The following MAPKAPK2 variants were observed in gnomAD, a reference collection of about 807,000 sequenced individuals.
The protein encoded by MAPKAPK2 is MAP kinase-activated protein kinase 2.
MAPKAPK2 carries 9 observed loss-of-function variants against 48.8 expected under a neutral mutation model. The ratio of observed to expected loss-of-function variants is 0.18; its 90% CI spans 0.11 to 0.32. The LOEUF (loss-of-function observed/expected upper bound fraction) is 0.32, where lower values mean the gene tolerates loss of function less well. MAPKAPK2 is among the 10% of genes least tolerant of loss of function. The pLI is 1.00. For missense variants in MAPKAPK2, 331 were observed against 498.3 expected (o/e 0.66, Z 3.20); for synonymous variants, 202 against 190.6 (o/e 1.06, Z -0.49).
At chr1:206,724,220 C>T (rs569841875) in intron 1 of MAPKAPK2, among the ~76,000 whole-genome samples, 8 of 152,324 alleles carry the variant, frequency 5.3e-5, no homozygotes, top group African/African-American at 9.6e-5. Context: ...GTGGACCTGC[C>T]GCCTCGCTCT....
intron 1 of MAPKAPK2, among the ~76,000 whole-genome samples, chr1:206,718,252 C>T (rs1217952067): frequency 2.0e-5 from 3 of 152,134 alleles, no homozygotes; most frequent in Admixed American, 1.3e-4. Context: ...AGGATGTTGC[C>T]CGGGCGCTGT....
In MAPKAPK2 at chr1:206,732,104, G is replaced by C. The variant is rs1673934984; in HGVS notation, c.1059+185G>C. 1 of 1,614,220 alleles carries C rather than the reference G, an allele frequency of 6.2e-7. No individual in the cohort carries two copies. Among genetic ancestry groups the C allele is most frequent in the Non-Finnish European group, 8.5e-7 (1 of 1,180,038 alleles). On this transcript the variant is annotated intron_variant, in intron 9 of 9. Coordinates refer to ENST00000367103, the MANE Select transcript of MAPKAPK2 (RefSeq NM_032960.4). This position sits in a 1 kb window ranked among gnomAD's most constrained non-coding sequence, Gnocchi z 4.4. ...GACCAGGTTGTGAGCAGAGGATTCTGTGTTCCTGTCCAAACTCAGTGCTGT... is the reference window on the plus strand; with the variant it reads ...GACCAGGTTGTGAGCAGAGGATTCTCTGTTCCTGTCCAAACTCAGTGCTGT...
intron 3 of MAPKAPK2, 78 bp from the exon 4 acceptor site, chr1:206,729,318 C>A: frequency 7.9e-7 from 1 of 1,269,938 alleles, no homozygotes; most frequent in Non-Finnish European, 1.1e-6. Flanking sequence ...GAGGTGGGAC[C>A]CGGTGCACTG....
chr1:206,723,202 T>C (rs1213274139), intron 1 of MAPKAPK2, among the ~76,000 whole-genome samples: 2 of 152,004 alleles, frequency 1.3e-5, no homozygotes, highest in Admixed American at 1.3e-4. Flanking sequence ...TGTCCTGGGG[T>C]CCCCCGTCTG....
Position 206,730,722 on chromosome 1 carries a change from G to A in MAPKAPK2, c.726G>A (p.Lys242=), listed in dbSNP as rs1444261334. Residue 242 remains lysine (K), a synonymous_variant, in exon 6 of 10, where the codon AAG becomes AAA. Transcript: ENST00000367103. ...TGCTGGGTCCAGAGAAGTATGACAA[G>A]TCCTGTGACATGTGGTCCCTGGGTG... is the stretch of plus-strand genomic sequence containing the variant. The part of the protein sequence containing the change: ...PEVLGPEKYD[K]SCDMWSLGVI... The A allele has an allele frequency of 5.0e-6, 8 of 1,612,976 alleles. No homozygotes were observed. The highest frequency in any genetic ancestry group is 6.8e-6 in the Non-Finnish European group (8 of 1,179,580).
chr1:206,690,887 T>C (rs1292515553), intron 1 of MAPKAPK2, among the ~76,000 whole-genome samples: 1 of 152,208 alleles, frequency 6.6e-6, no homozygotes, highest in Non-Finnish European at 1.5e-5. Context: ...CTCCTACCTT[T>C]CCTCTACTTC....
chr1:206,701,830 CTAAAAAAAAAAA>C (rs1397215194), intron 1 of MAPKAPK2, among the ~76,000 whole-genome samples: 1 of 80,212 alleles, frequency 1.2e-5, no homozygotes, highest in African/African-American at 4.5e-5. Context: ...GACCCTGTCT[CTAAAAAAAAAAA>C]AAAAAAAAAA....
intron 6 of MAPKAPK2, 82 bp downstream of exon 6, chr1:206,730,845 C>T (rs1465759065): frequency 9.1e-6 from 13 of 1,424,312 alleles, no homozygotes; most frequent in African/African-American, 4.2e-5. Flanking sequence ...AAGAGGCAGA[C>T]GTTAGCATTC....
At chr1:206,705,673 C>T (rs1672930691) in intron 1 of MAPKAPK2, among the ~76,000 whole-genome samples, 1 of 152,146 alleles carries the variant, frequency 6.6e-6, no homozygotes, top group Admixed American at 6.6e-5. Context: ...TGGACCAGGG[C>T]AGAAAGGCGA....
intron 1 of MAPKAPK2, among the ~76,000 whole-genome samples, chr1:206,692,166 T>C (rs1056734153): frequency 1.3e-5 from 2 of 152,202 alleles, no homozygotes; most frequent in Non-Finnish European, 2.9e-5. Flanking sequence ...AAGCGAAGGC[T>C]GAAGTCCAGC....
Position 206,731,378 on chromosome 1 carries a change from G to A in MAPKAPK2, c.892+116G>A, listed in dbSNP as rs1673906286. ...CATCTCATGTGCGTGGTGTAACTGT[G>A]GGTTAGCACCTATGCCCACGCCTGC... On this transcript the variant is annotated intron_variant, in intron 7 of 9. Transcript: ENST00000367103. The surrounding 1 kb of genome is among the most constrained non-coding windows in gnomAD (Gnocchi z 5.9). The A allele has an allele frequency of 1.3e-6, 2 of 1,538,098 alleles. No individual in the cohort carries two copies. The highest frequency in any genetic ancestry group is 1.4e-5 in the African/African-American group (1 of 73,018).
At position 206,704,891 on chromosome 1, in the gene MAPKAPK2, C is replaced by T. The variant is rs74147681; in HGVS notation, c.279+19383C>T. ...TGGGTGAACTTGGAAGAAGGAGCCG[C>T]CCGTTTCTCCAAGTGCAGCGCCAGT... On this transcript the variant is annotated intron_variant, in intron 1 of 9. Transcript: ENST00000367103. The surrounding 1 kb of genome is among the most constrained non-coding windows in gnomAD (Gnocchi z 4.3). Among the ~76,000 whole-genome samples, 2,010 of 152,274 alleles carry T rather than the reference C, an allele frequency of 0.013. 36 individuals are homozygous for T. The highest frequency in any genetic ancestry group is 0.046 in the African/African-American group (1,908 of 41,538).
chr1:206,722,457 G>A (rs1553431342), intron 1 of MAPKAPK2, among the ~76,000 whole-genome samples: 1 of 152,174 alleles, frequency 6.6e-6, no homozygotes, highest in Admixed American at 6.5e-5. Context: ...TTGACCCGAA[G>A]CCTTACTGAT....
At position 206,717,811 on chromosome 1, in the gene MAPKAPK2, T is replaced by A. The variant is rs528193245; in HGVS notation, c.280-10899T>A. Among the ~76,000 whole-genome samples the A allele has an allele frequency of 6.1e-4, 92 of 151,964 alleles. 2 individuals carry two copies. In the East Asian group the frequency reaches 7.3e-3, roughly 12 times the overall value. On this transcript the variant is annotated intron_variant, in intron 1 of 9. Coordinates refer to ENST00000367103, the MANE Select transcript of MAPKAPK2 (RefSeq NM_032960.4). ...CCAAACCCTTTTACTTAATTTTTTT[T>A]AAAAAATTTCATTCAGATGGTAAAG...
At position 206,732,072 on chromosome 1, in the gene MAPKAPK2, C is replaced by T. The variant is rs781860023; in HGVS notation, c.1059+153C>T. On this transcript the variant is annotated intron_variant, in intron 9 of 9. Coordinates refer to ENST00000367103, the MANE Select transcript of MAPKAPK2 (RefSeq NM_032960.4). The surrounding 1 kb of genome is among the most constrained non-coding windows in gnomAD (Gnocchi z 4.4). ...CATGACAAGAACAGCGACCAGGCCA[C>T]TTGGCTGACCAGGTTGTGAGCAGAG... 4.2e-5 allele frequency: 67 copies of T among 1,614,206 alleles called. No individual in the cohort carries two copies. The highest frequency in any genetic ancestry group is 3.6e-5 in the Non-Finnish European group (43 of 1,180,020).
chr1:206,725,021 A>G (rs113769066), intron 1 of MAPKAPK2, among the ~76,000 whole-genome samples: 1,993 of 149,392 alleles, frequency 0.013, 42 homozygotes, highest in African/African-American at 0.046. Flanking sequence ...GTGGGCTTGC[A>G]TGACACAAGC....
rs1673077769 is a variant in MAPKAPK2 at position 206,709,673 on chromosome 1, C to A, written c.280-19037C>A. 1.3e-5 allele frequency among the ~76,000 whole-genome samples: 2 copies of A among 152,252 alleles called. 1 individual carries two copies. Among genetic ancestry groups the A allele is most frequent in the Non-Finnish European group, 2.9e-5 (2 of 68,012 alleles). On this transcript the variant is annotated intron_variant, in intron 1 of 9. Coordinates refer to ENST00000367103, the MANE Select transcript of MAPKAPK2 (RefSeq NM_032960.4). Reference sequence around the variant, plus strand: ...TTGCCATTGTGTCATTTAGTTTTTGCCTACCACTTGGTGAGAAAGGTACTA... The same window carrying A: ...TTGCCATTGTGTCATTTAGTTTTTGACTACCACTTGGTGAGAAAGGTACTA...
chr1:206,721,013 A>T (rs1673501472), intron 1 of MAPKAPK2, among the ~76,000 whole-genome samples: 1 of 152,102 alleles, frequency 6.6e-6, no homozygotes, highest in African/African-American at 2.4e-5. Context: ...TATAGTTTGG[A>T]TGTTTGTTTC....
At chr1:206,723,683 G>A (rs1381923691) in intron 1 of MAPKAPK2, among the ~76,000 whole-genome samples, 1 of 152,172 alleles carries the variant, frequency 6.6e-6, no homozygotes, top group Non-Finnish European at 1.5e-5. Context: ...GTCTTTCCAC[G>A]TGGCTCCACA....
Sources: allele counts gnomAD v4.1 joint callset (sites outside exome capture counted in the v4.1 genomes callset), GRCh38; gene constraint gnomAD v4.1.1; non-coding constraint Gnocchi (gnomAD v3.1); transcripts MANE v1.5; gene names NCBI Gene and HGNC (gene_info 2026-07-23, HGNC 2026-07-21).